LRP1B: variants seen among roughly 807,000 people sequenced by gnomAD.
LRP1B encodes low-density lipoprotein receptor-related protein 1B.
In LRP1B, 217 loss-of-function variants were observed where a neutral mutation model predicts 556.6. The observed-to-expected ratio is 0.39, with a 90% CI of 0.35 to 0.44. The LOEUF is 0.44. Ranked by LOEUF, LRP1B falls within the 20% of genes least tolerant of loss-of-function variation. The pLI is 1.00. For synonymous variants in LRP1B, 2,047 were observed against 1,865.8 expected (o/e 1.10, Z -2.50); for missense variants, 5,053 against 5,620.8 (o/e 0.90, Z 3.23).
At chr2:140,236,536 T>A (rs906057871) in intron 89 of LRP1B, among the ~76,000 whole-genome samples, 4 of 150,956 alleles carry the variant, frequency 2.6e-5, no homozygotes, top group Non-Finnish European at 5.9e-5. Flanking sequence ...GATAATTGTA[T>A]CATTTAGCTA....
At chr2:142,075,973 C>A (rs529772307) in intron 1 of LRP1B, among the ~76,000 whole-genome samples, 2 of 152,198 alleles carry the variant, frequency 1.3e-5, no homozygotes, top group African/African-American at 4.8e-5. Flanking sequence ...GGGTTTAATT[C>A]TCCATTCACT....
intron 3 of LRP1B, among the ~76,000 whole-genome samples, chr2:141,260,282 T>C (rs1409689943): frequency 6.6e-6 from 1 of 152,200 alleles, no homozygotes; most frequent in African/African-American, 2.4e-5. Context: ...ATTTGCTACA[T>C]AACCATGGGC....
intron 1 of LRP1B, among the ~76,000 whole-genome samples, chr2:141,865,172 G>T (rs1698366446): frequency 6.6e-6 from 1 of 152,006 alleles, no homozygotes; most frequent in African/African-American, 2.4e-5. Context: ...ATTTTTGTTT[G>T]TTTTTCTCTG....
chr2:141,744,678 C>T (rs781322422), intron 2 of LRP1B, among the ~76,000 whole-genome samples: 27 of 152,190 alleles, frequency 1.8e-4, no homozygotes, highest in Non-Finnish European at 3.1e-4. Flanking sequence ...TCTGTCTCTC[C>T]GGGATTGGAC....
At chr2:141,773,380 C>T (rs1694962621) in intron 2 of LRP1B, among the ~76,000 whole-genome samples, 1 of 152,186 alleles carries the variant, frequency 6.6e-6, no homozygotes, top group Admixed American at 6.5e-5. Context: ...CAAAAGGTAG[C>T]CAATTGCAAT....
intron 1 of LRP1B, among the ~76,000 whole-genome samples, chr2:142,069,461 A>C (rs1453576350): frequency 7.2e-6 from 1 of 138,778 alleles, no homozygotes; most frequent in Non-Finnish European, 1.6e-5. Flanking sequence ...GTTTGTCCAA[A>C]GAGACCTGAC....
chr2:140,592,601 G>A (rs999405099), intron 43 of LRP1B, among the ~76,000 whole-genome samples: 9 of 152,026 alleles, frequency 5.9e-5, no homozygotes, highest in African/African-American at 1.2e-4. Flanking sequence ...TCAGGCCCTT[G>A]AACGTCATTA....
At position 140,770,979 on chromosome 2, in the gene LRP1B, C is replaced by G. The variant is rs1034345681; in HGVS notation, c.5528G>C (p.Gly1843Ala). 7 of 1,582,596 alleles carry G rather than the reference C, an allele frequency of 4.4e-6. No homozygotes were observed. The highest frequency in any genetic ancestry group is 1.2e-5 in the South Asian group (1 of 85,166). The change falls in exon 34 of 91, where the codon GGT becomes GCT. Residue 1843 changes from glycine to alanine, a missense_variant. Around this residue, in one of 5 missense-constraint regions of LRP1B, gnomAD observed 3,619 missense variants for 3,931.9 expected, o/e 0.92. Transcript: ENST00000389484. ...TGGTAAACAAAGTTGAGAGCATCCA[C>G]CATTGTTTAGTTGGCAGGAATTGCT... ...QGSNSCQLNN[G>A]GCSQLCLPTS...
chr2:141,989,000 C>A (rs925695062), intron 1 of LRP1B, among the ~76,000 whole-genome samples: 2 of 151,856 alleles, frequency 1.3e-5, no homozygotes, highest in Non-Finnish European at 2.9e-5. Context: ...ATCAGTAATA[C>A]CAAACTAATT....
At chr2:140,324,148 G>C (rs1680323986) in intron 80 of LRP1B, 82 bp from the exon 81 acceptor site, 1 of 815,484 alleles carries the variant, frequency 1.2e-6, no homozygotes, top group African/African-American at 1.7e-5. Flanking sequence ...AGACGATATT[G>C]AAAACCTTAT....
intron 6 of LRP1B, among the ~76,000 whole-genome samples, chr2:141,212,991 T>C (rs145387121): frequency 6.6e-6 from 1 of 152,270 alleles, no homozygotes; most frequent in East Asian, 1.9e-4. Flanking sequence ...CTTTTTGAGA[T>C]AATCTCACTC....
At chr2:140,967,498 G>C in intron 18 of LRP1B, among the ~76,000 whole-genome samples, 1 of 152,146 alleles carries the variant, frequency 6.6e-6, no homozygotes, top group Non-Finnish European at 1.5e-5. Flanking sequence ...GGGATAATTT[G>C]ACTCCCTCTT....
intron 2 of LRP1B, among the ~76,000 whole-genome samples, chr2:141,728,288 AT>A (rs894026503): frequency 6.6e-6 from 1 of 152,122 alleles, no homozygotes; most frequent in African/African-American, 2.4e-5. Context: ...CGTAGCTGAC[AT>A]AAATGCCTGG....
intron 35 of LRP1B, among the ~76,000 whole-genome samples, chr2:140,741,585 G>T (rs2104868244): frequency 6.6e-6 from 1 of 152,130 alleles, no homozygotes; most frequent in African/African-American, 2.4e-5. Flanking sequence ...TGTCACCCAG[G>T]TAATCAGCAT....
At chr2:141,407,441 T>G (rs1459523489) in intron 3 of LRP1B, among the ~76,000 whole-genome samples, 1 of 152,102 alleles carries the variant, frequency 6.6e-6, no homozygotes, top group Non-Finnish European at 1.5e-5. Context: ...CCCTGCCAAA[T>G]CTCAGATTGA....
At chr2:140,550,060 T>C (rs1339710088) in intron 43 of LRP1B, among the ~76,000 whole-genome samples, 1 of 152,132 alleles carries the variant, frequency 6.6e-6, no homozygotes. Context: ...CTTGTGTCCA[T>C]GTGTTCTCAT....
At chr2:140,233,567 G>A (rs1263998895) in intron 90 of LRP1B, among the ~76,000 whole-genome samples, 1 of 151,092 alleles carries the variant, frequency 6.6e-6, no homozygotes, top group African/African-American at 2.4e-5. Flanking sequence ...CCTAAGAGGA[G>A]CTTTGCCATA....
chr2:141,324,735 T>C (rs903835618), intron 3 of LRP1B, among the ~76,000 whole-genome samples: 2 of 152,108 alleles, frequency 1.3e-5, no homozygotes, highest in Non-Finnish European at 2.9e-5. Context: ...TAAGAAAGTC[T>C]GTATAAGGAA....
At chr2:141,192,191 CAA>C (rs774258183) in intron 6 of LRP1B, among the ~76,000 whole-genome samples, 2 of 151,800 alleles carry the variant, frequency 1.3e-5, no homozygotes, top group Non-Finnish European at 2.9e-5. Context: ...GGCAATTAGA[CAA>C]AGAGTTCAAG....
Sources: gnomAD v4.1 joint callset for allele counts (sites outside exome capture counted in the v4.1 genomes callset) on GRCh38, gnomAD v4.1.1 for gene constraint, gnomAD v4.1.1 regional missense constraint, MANE v1.5 for transcripts, NCBI Gene and HGNC (gene_info 2026-07-23, HGNC 2026-07-21) for gene names.